The following GCAT variants were observed in gnomAD, a reference collection of about 807,000 sequenced individuals.
GCAT encodes the protein glycine C-acetyltransferase, also known as 2-amino-3-ketobutyrate coenzyme A ligase, mitochondrial.
A neutral mutation model predicts 39.7 loss-of-function variants in GCAT; 26 were observed. That is an observed-to-expected ratio of 0.65 (90% confidence interval 0.48 to 0.91). The LOEUF (loss-of-function observed/expected upper bound fraction) is 0.91, where lower values mean the gene tolerates loss of function less well. Among genes scored for constraint, GCAT ranks in the 40% least tolerant of loss-of-function variants. The pLI is 0.00. For missense variants in GCAT, 550 were observed against 576.2 expected (o/e 0.95, Z 0.47); for synonymous variants, 218 against 237.2 (o/e 0.92, Z 0.74).
Position 37,815,661 on chromosome 22 carries a change from A to G in GCAT, c.815-2A>G, listed in dbSNP as rs763352978. ...TCCCCCCACCTCTTCCCTTCTTCTC[A>G]GGGGGCTACACGACAGGGCCTGGGC... On this transcript the variant is annotated splice_acceptor_variant, in intron 6 of 8. Transcript: ENST00000248924. LOFTEE classifies it high-confidence loss of function. The G allele has an allele frequency of 1.6e-5, 25 of 1,607,118 alleles. No homozygotes were observed. Among genetic ancestry groups the G allele is most frequent in the Admixed American group, 1.3e-4 (8 of 59,928 alleles).
chr22:37,813,267 CT>C (rs1391952682), intron 3 of GCAT, 195 bp from the exon 4 acceptor site: 2 of 719,150 alleles, frequency 2.8e-6, no homozygotes, highest in African/African-American at 3.5e-5. Context: ...TTCTCACCTC[CT>C]CTTACTAGAG....
Position 37,815,776 on chromosome 22 carries a change from C to G in GCAT, c.928C>G (p.Leu310Val), listed in dbSNP as rs1402513531. The change falls in exon 7 of 9, where the codon CTA becomes GTA. Residue 310 changes from leucine (L) to valine (V), a missense_variant. Leu to Val is a conservative substitution (Grantham distance 32). Coordinates refer to ENST00000248924, the MANE Select transcript of GCAT (RefSeq NM_014291.4). The part of the protein sequence containing the change: ...PAVVGCASKA[L>V]DLLMGSNTIV... The stretch of plus-strand genomic sequence containing the variant: ...TGTCGTTGGCTGCGCCTCCAAGGCC[C>G]TAGATCTGCTGATGGGGAGTAACAC... The G allele has an allele frequency of 1.2e-6, 2 of 1,614,062 alleles. No homozygotes were observed. Among genetic ancestry groups the G allele is most frequent in the Non-Finnish European group, 8.5e-7 (1 of 1,179,982 alleles).
At chr22:37,816,146 C>G (rs1922167090) in intron 7 of GCAT, 54 bp from the exon 8 acceptor site, 1 of 1,590,590 alleles carries the variant, frequency 6.3e-7, no homozygotes, top group Admixed American at 1.7e-5. Context: ...CTGCAAGGAG[C>G]GGGTGTGAAT....
chr22:37,813,597 G>T lies in GCAT; in HGVS notation c.564G>T (p.Leu188=), dbSNP rs1273268748. 5.0e-6 allele frequency: 8 copies of T among 1,608,900 alleles called. No homozygotes were observed. The highest frequency in any genetic ancestry group is 6.8e-6 in the Non-Finnish European group (8 of 1,177,740). ...HLDMADLEAK[L]QEAQKHRLRL... The stretch of plus-strand genomic sequence containing the variant: ...ACATGGCCGACCTAGAAGCCAAGCT[G>T]CAGGAGGCCCAGGTGGGGCGACGCC... Residue 188 remains leucine, a synonymous_variant, in exon 4 of 9, where the codon CTG becomes CTT. Coordinates refer to ENST00000248924, the MANE Select transcript of GCAT (RefSeq NM_014291.4).
rs908059589 is a variant in GCAT at position 37,815,979 on chromosome 22, C to T, written c.986+145C>T. 1.0e-5 allele frequency: 10 copies of T among 1,000,626 alleles called. No individual in the cohort carries two copies. In the East Asian group the frequency reaches 2.0e-4, roughly 20 times the overall value. 62.0% of individuals were successfully genotyped at this position (1,000,626 alleles called of 1,614,324 possible). On this transcript the variant is annotated intron_variant, in intron 7 of 8. Transcript: ENST00000248924. ...TCCCTTCTCTCTGTCCCTGCCTCTC[C>T]CCTCTAGCTTCTGTGTCTCCTTCTT...
intron 1 of GCAT, 22 bp from the exon 2 acceptor site, chr22:37,810,005 C>T (rs769193348): frequency 1.2e-6 from 2 of 1,613,290 alleles, no homozygotes; most frequent in East Asian, 4.5e-5. Context: ...CTGCTGTATC[C>T]ATCTCCTCTC....
Position 37,812,843 on chromosome 22 carries a change from A to G in GCAT, c.328-44A>G, listed in dbSNP as rs753112697. On this transcript the variant is annotated intron_variant, in intron 2 of 8. Transcript: ENST00000248924. ...CTCTGTCCCCTCGAACTTGTCCCAC[A>G]TGACCCCACAGGCATCAACACGTGT... 1.3e-5 allele frequency: 17 copies of G among 1,342,030 alleles called. 1 individual carries two copies. In the Admixed American group the frequency reaches 2.7e-4, roughly 21 times the overall value. 83.1% of individuals were successfully genotyped at this position (1,342,030 alleles called of 1,614,324 possible). A position where few individuals can be genotyped will look rare whatever the true frequency, so the allele number is the denominator to read the frequency against.
intron 1 of GCAT, among the ~76,000 whole-genome samples, 153 bp downstream of exon 1, chr22:37,808,316 C>T (rs1224603360): frequency 1.3e-5 from 2 of 152,256 alleles, no homozygotes; most frequent in African/African-American, 4.8e-5. Context: ...AATATTGACT[C>T]TTGCCTGGTT....
intron 2 of GCAT, among the ~76,000 whole-genome samples, chr22:37,810,606 C>T (rs1474164394): frequency 6.7e-6 from 1 of 150,066 alleles, no homozygotes; most frequent in Non-Finnish European, 1.5e-5. Flanking sequence ...AGCTGCGCCT[C>T]CCAGGTTCAC....
chr22:37,812,442 T>C (rs1921704048), intron 2 of GCAT, among the ~76,000 whole-genome samples: 2 of 152,178 alleles, frequency 1.3e-5, no homozygotes, highest in Non-Finnish European at 2.9e-5. Context: ...GAGGCAGAAC[T>C]CCTGACTCGC....
At position 37,816,815 on chromosome 22, in the gene GCAT, C is replaced by T. The variant is rs1922258289; in HGVS notation, c.*97C>T. On this transcript the variant is annotated 3_prime_UTR_variant, in exon 9 of 9. Transcript: ENST00000248924. Reference sequence around the variant, plus strand: ...CAGACCAGAGGCTCTGAGCCCTGAACCAAAGTCCCAGAGCTGGGCTGGGAC... The same window carrying T: ...CAGACCAGAGGCTCTGAGCCCTGAATCAAAGTCCCAGAGCTGGGCTGGGAC... The T allele has an allele frequency of 7.9e-7, 1 of 1,264,884 alleles. No individual in the cohort carries two copies. The highest frequency in any genetic ancestry group is 1.9e-5 in the Admixed American group (1 of 52,038). 78.4% of individuals were successfully genotyped at this position (1,264,884 alleles called of 1,614,324 possible).
At chr22:37,816,132 G>A in intron 7 of GCAT, 68 bp from the exon 8 acceptor site, 3 of 1,571,132 alleles carry the variant, frequency 1.9e-6, no homozygotes, top group Admixed American at 3.6e-5. Flanking sequence ...CTCGGGCCTG[G>A]TCCCTGCAAG....
chr22:37,809,786 C>T (rs934387584), intron 1 of GCAT, among the ~76,000 whole-genome samples: 1 of 152,012 alleles, frequency 6.6e-6, no homozygotes, highest in African/African-American at 2.4e-5. Context: ...CACCACTGTA[C>T]TCCAACCTGG....
chr22:37,817,034 G>A (rs1601706308), downstream of GCAT: 1 of 266,582 alleles, frequency 3.8e-6, no homozygotes, highest in East Asian at 7.2e-5. Context: ...GATTAAGATG[G>A]GACCCAGTGG....
chr22:37,808,902 G>A (rs1313787132), intron 1 of GCAT, among the ~76,000 whole-genome samples: 1 of 152,160 alleles, frequency 6.6e-6, no homozygotes, highest in Non-Finnish European at 1.5e-5. Context: ...GGCCAGGCTG[G>A]TCTCGAACTC....
chr22:37,810,983 A>G (rs956116631), intron 2 of GCAT, among the ~76,000 whole-genome samples: 1 of 152,116 alleles, frequency 6.6e-6, no homozygotes, highest in Non-Finnish European at 1.5e-5. Flanking sequence ...CTGACCTTCT[A>G]TAAGAAAAGA....
chr22:37,816,633 T>G lies in GCAT; in HGVS notation c.1175T>G (p.Ile392Ser). 1 of 1,614,164 alleles carries G rather than the reference T, an allele frequency of 6.2e-7. No homozygotes were observed. The highest frequency in any genetic ancestry group is 8.5e-7 in the Non-Finnish European group (1 of 1,180,014). Residue 392 changes from isoleucine (I) to serine (S), a missense_variant, in exon 9 of 9, where the codon ATC becomes AGC. Around this residue, in one of 3 missense-constraint regions of GCAT, gnomAD observed 378 missense variants for 390.4 expected, o/e 0.97. Coordinates refer to ENST00000248924, the MANE Select transcript of GCAT (RefSeq NM_014291.4). ...PKGKARIRVQ[I>S]SAVHSEEDID... is the part of the protein sequence containing the mutation. The stretch of plus-strand genomic sequence containing the variant: ...GGCAAGGCCCGGATCCGGGTACAGA[T>G]CTCAGCAGTGCATAGCGAGGAAGAC...
chr22:37,815,638 C>T (rs768541389), intron 6 of GCAT, 25 bp from the exon 7 acceptor site: 2 of 1,571,664 alleles, frequency 1.3e-6, no homozygotes, highest in Non-Finnish European at 1.7e-6. Flanking sequence ...CCAACCCCTC[C>T]CCCCACCTCT....
At chr22:37,810,821 TTA>T (rs1921506813) in intron 2 of GCAT, among the ~76,000 whole-genome samples, 1 of 152,036 alleles carries the variant, frequency 6.6e-6, no homozygotes, top group Non-Finnish European at 1.5e-5. Flanking sequence ...GGCCTAATTT[TTA>T]TATGTTTAGT....
Sources: gnomAD v4.1 joint callset for allele counts (sites outside exome capture counted in the v4.1 genomes callset) on GRCh38, gnomAD v4.1.1 for gene constraint, gnomAD v4.1.1 regional missense constraint, MANE v1.5 for transcripts, NCBI Gene and HGNC (gene_info 2026-07-23, HGNC 2026-07-21) for gene names.